The following ADAP2 variants were observed in gnomAD, a reference collection of about 807,000 sequenced individuals.
The protein encoded by ADAP2 is ArfGAP with dual PH domains 2.
Under a neutral mutation model 54.9 loss-of-function variants are expected in ADAP2, and 42 were observed. The ratio of observed to expected loss-of-function variants is 0.77; its 90% CI spans 0.60 to 0.99. The LOEUF is 0.99. Among genes scored for constraint, ADAP2 ranks in the 50% least tolerant of loss-of-function variants. The pLI, the probability that ADAP2 is intolerant of heterozygous loss-of-function variation, is 0.00. For synonymous variants in ADAP2, 177 were observed against 180.1 expected (o/e 0.98, Z 0.14); for missense variants, 429 against 480.4 (o/e 0.89, Z 1.00).
chr17:30,938,488 T>C (rs1003812480), intron 5 of ADAP2, among the ~76,000 whole-genome samples: 8 of 152,176 alleles, frequency 5.3e-5, no homozygotes, highest in African/African-American at 1.9e-4. Flanking sequence ...TCTTCATGGA[T>C]AGAGGGTCAC....
At chr17:30,956,563 A>T (rs1419733927) in intron 10 of ADAP2, 94 bp downstream of exon 10, 2 of 1,062,706 alleles carry the variant, frequency 1.9e-6, no homozygotes, top group East Asian at 2.6e-5. Context: ...ACCACAAAAG[A>T]TTCCTGATTC....
At position 30,958,862 on chromosome 17, in the gene ADAP2, T is replaced by G. The variant is rs1905256061; in HGVS notation, c.*993T>G. 6.6e-6 allele frequency: 1 copy of G among 151,062 alleles called. No individual in the cohort carries two copies. Among genetic ancestry groups the G allele is most frequent in the Non-Finnish European group, 1.5e-5 (1 of 68,024 alleles). 9.4% of individuals were successfully genotyped at this position (151,062 alleles called of 1,614,324 possible). A position where few individuals can be genotyped will look rare whatever the true frequency, so the allele number is the denominator to read the frequency against. ...CCTCATTGCACCACTTTACTTAGCCTGGGTGACAGAGTGAGACCCTATCTC... is the reference window on the plus strand; with the variant it reads ...CCTCATTGCACCACTTTACTTAGCCGGGGTGACAGAGTGAGACCCTATCTC... On this transcript the variant is annotated 3_prime_UTR_variant, in exon 11 of 11. Transcript: ENST00000330889.
At chr17:30,942,641 A>G (rs1438373188) in intron 5 of ADAP2, among the ~76,000 whole-genome samples, 1 of 152,218 alleles carries the variant, frequency 6.6e-6, no homozygotes, top group East Asian at 1.9e-4. Context: ...AACTTTTGGT[A>G]TAGTCATTTA....
Position 30,949,283 on chromosome 17 carries a change from G to C in ADAP2, c.658-4G>C. The C allele has an allele frequency of 6.2e-7, 1 of 1,612,352 alleles. No individual in the cohort carries two copies. The highest frequency in any genetic ancestry group is 8.5e-7 in the Non-Finnish European group (1 of 1,178,794). ...GTGTGTGTCCTGTGCACTTCTCTCC[G>C]CAGGAGATAGTGGACTGGTTCAATG... On this transcript the variant is annotated splice_region_variant and splice_polypyrimidine_tract_variant and intron_variant, in intron 6 of 10. Transcript: ENST00000330889.
chr17:30,947,600 G>A (rs377390153), intron 6 of ADAP2, among the ~76,000 whole-genome samples: 5 of 152,126 alleles, frequency 3.3e-5, no homozygotes, highest in East Asian at 1.9e-4. Context: ...TGATCCACCC[G>A]CCTCGGCCTC....
At chr17:30,944,869 G>T in intron 5 of ADAP2, 38 bp from the exon 6 acceptor site, 1 of 1,605,148 alleles carries the variant, frequency 6.2e-7, no homozygotes, top group Non-Finnish European at 8.5e-7. Flanking sequence ...GTCACCCTGT[G>T]GACTGTCAGC....
chr17:30,955,278 TA>T (rs1256876808), intron 9 of ADAP2, among the ~76,000 whole-genome samples: 22 of 145,222 alleles, frequency 1.5e-4, no homozygotes, highest in Non-Finnish European at 1.5e-4. Context: ...CCCAGCTAAT[TA>T]AAAAAAAAAA....
At chr17:30,938,104 C>T (rs1912019215) in intron 5 of ADAP2, among the ~76,000 whole-genome samples, 1 of 152,148 alleles carries the variant, frequency 6.6e-6, no homozygotes, top group East Asian at 1.9e-4. Flanking sequence ...GAGTAACAAA[C>T]CATCCTAAAA....
chr17:30,936,812 CA>C (rs1203407976), intron 5 of ADAP2, among the ~76,000 whole-genome samples: 1 of 152,134 alleles, frequency 6.6e-6, no homozygotes, highest in Non-Finnish European at 1.5e-5. Flanking sequence ...ATTCTAGATA[CA>C]AGTCACTTAT....
chr17:30,950,048 G>A (rs984959428), intron 7 of ADAP2, among the ~76,000 whole-genome samples: 1 of 152,180 alleles, frequency 6.6e-6, no homozygotes, highest in African/African-American at 2.4e-5. Flanking sequence ...ATTTTGTCTT[G>A]TGAAATGGCA....
At chr17:30,951,446 A>G (rs1904621415) in intron 7 of ADAP2, among the ~76,000 whole-genome samples, 1 of 152,050 alleles carries the variant, frequency 6.6e-6, no homozygotes, top group African/African-American at 2.4e-5. Flanking sequence ...TAGTGAATGT[A>G]TTTTAAGAGA....
chr17:30,951,479 CTT>C (rs1904623930), intron 7 of ADAP2, among the ~76,000 whole-genome samples: 1 of 151,874 alleles, frequency 6.6e-6, no homozygotes, highest in African/African-American at 2.4e-5. Flanking sequence ...CAGTTTATAT[CTT>C]GTTTCTTACA....
At chr17:30,936,455 G>A (rs531715798) in intron 5 of ADAP2, among the ~76,000 whole-genome samples, 88 of 152,176 alleles carry the variant, frequency 5.8e-4, no homozygotes, top group African/African-American at 2.0e-3. Context: ...GAGCCACTAC[G>A]CCAGGCCCAT....
intron 6 of ADAP2, among the ~76,000 whole-genome samples, chr17:30,947,312 G>GGT (rs1912748391): frequency 1.3e-5 from 2 of 152,170 alleles, no homozygotes; most frequent in South Asian, 4.1e-4. Context: ...TGAAGGCCTA[G>GGT]GTGTGTCTTT....
Position 30,925,567 on chromosome 17 carries a change from C to T in ADAP2, c.226-1260C>T, listed in dbSNP as rs188405191. ...CTTCTTCCTTCTTCTTCTTCTTCTT[C>T]TCTTTTCTTTTCTTTTCTTTTCTTT... is the stretch of plus-strand genomic sequence containing the variant. On this transcript the variant is annotated intron_variant, in intron 2 of 10. Transcript: ENST00000330889. 2.6e-3 allele frequency among the ~76,000 whole-genome samples: 389 copies of T among 148,014 alleles called. 1 individual carries two copies. Among genetic ancestry groups the T allele is most frequent in the African/African-American group, 8.5e-3 (344 of 40,394 alleles).
rs775836049 is a variant in ADAP2, at chr17:30,957,909, A to G, written c.*40A>G. 3.1e-5 allele frequency: 50 copies of G among 1,603,576 alleles called. No homozygotes were observed. The South Asian group carries it at 5.6e-4, about 18-fold the overall frequency. On this transcript the variant is annotated 3_prime_UTR_variant, in exon 11 of 11. Coordinates refer to ENST00000330889, the MANE Select transcript of ADAP2 (RefSeq NM_018404.3). ...AACTGGCTGCCACTGAACACCTGGA[A>G]CTCCTTGTGGGAAGAAGTTTGCACC...
chr17:30,937,609 C>T (rs1911983430), intron 5 of ADAP2, among the ~76,000 whole-genome samples: 1 of 152,144 alleles, frequency 6.6e-6, no homozygotes, highest in Non-Finnish European at 1.5e-5. Flanking sequence ...AGAAATTAGT[C>T]AGGAAGCTGT....
At chr17:30,928,364 T>C (rs7501634) in intron 3 of ADAP2, among the ~76,000 whole-genome samples, 16,887 of 150,402 alleles carry the variant, frequency 0.11, 2,828 homozygotes, top group African/African-American at 0.37. Context: ...GGCATGGTGG[T>C]ACATGCCTGT....
At chr17:30,950,772 G>C (rs988022551) in intron 7 of ADAP2, among the ~76,000 whole-genome samples, 1 of 152,196 alleles carries the variant, frequency 6.6e-6, no homozygotes, top group African/African-American at 2.4e-5. Flanking sequence ...CCTTGAGTCA[G>C]TCTGCTGAGT....
Sources: gnomAD v4.1 joint callset for allele counts (sites outside exome capture counted in the v4.1 genomes callset) on GRCh38, gnomAD v4.1.1 for gene constraint, MANE v1.5 for transcripts, NCBI Gene and HGNC (gene_info 2026-07-23, HGNC 2026-07-21) for gene names.